Variants in RBMS3 observed in about 807,000 individuals in gnomAD.
RBMS3 encodes RNA binding motif single stranded interacting protein 3.
Under a neutral mutation model 66.8 loss-of-function variants are expected in RBMS3, and 27 were observed. The ratio of observed to expected loss-of-function variants is 0.40; its 90% confidence interval spans 0.30 to 0.56. RBMS3 has a LOEUF of 0.56. Among genes scored for constraint, RBMS3 ranks in the 20% least tolerant of loss-of-function variants. The pLI is 0.40. For synonymous variants in RBMS3, 188 were observed against 183.0 expected, an observed-to-expected ratio of 1.03 and a Z score of -0.22; for missense variants, 513 against 549.5, an observed-to-expected ratio of 0.93 and a Z score of 0.66.
chr3:29,694,598 A>G (rs933311979), intron 4 of RBMS3, among the ~76,000 whole-genome samples: 2 of 152,182 alleles, frequency 1.3e-5, no homozygotes, highest in East Asian at 1.9e-4. Flanking sequence ...AGGTGGTCAC[A>G]GTAATTTCCT....
intron 4 of RBMS3, among the ~76,000 whole-genome samples, chr3:29,636,967 GTA>G (rs2049499156): frequency 6.6e-6 from 1 of 151,894 alleles, no homozygotes; most frequent in African/African-American, 2.4e-5. Context: ...AACATATCAT[GTA>G]TGTGTGAAAT....
chr3:29,585,902 A>T lies in RBMS3; in HGVS notation c.308-1212A>T, dbSNP rs1052836286. 2.0e-5 allele frequency among the ~76,000 whole-genome samples: 3 copies of T among 152,114 alleles called. No individual in the cohort carries two copies. In the East Asian group the frequency reaches 5.8e-4, roughly 29 times the overall value. Reference sequence around the variant, plus strand: ...TGTAACAAGTTCATTTTACGATAACATGCTGGGAGGGAGAAAAAGAAGACG... The same window carrying T: ...TGTAACAAGTTCATTTTACGATAACTTGCTGGGAGGGAGAAAAAGAAGACG... On this transcript the variant is annotated intron_variant, in intron 3 of 14. Coordinates refer to ENST00000383767, the MANE Select transcript of RBMS3 (RefSeq NM_001003793.3).
chr3:29,597,160 T>C (rs1480462263), intron 4 of RBMS3, among the ~76,000 whole-genome samples: 1 of 152,218 alleles, frequency 6.6e-6, no homozygotes, highest in African/African-American at 2.4e-5. Context: ...TTTACATGTG[T>C]ATGCACACAT....
At chr3:29,885,900 T>C (rs1286275001) in intron 8 of RBMS3, among the ~76,000 whole-genome samples, 1 of 151,870 alleles carries the variant, frequency 6.6e-6, no homozygotes, top group East Asian at 1.9e-4. Context: ...GATGCAGCAG[T>C]GACCCAGACA....
chr3:29,936,277 G>C (rs1327791981), intron 11 of RBMS3, 81 bp downstream of exon 11: 8 of 1,275,952 alleles, frequency 6.3e-6, no homozygotes, highest in African/African-American at 1.5e-5. Flanking sequence ...CATTATCAGT[G>C]AAACTGTGTC....
chr3:29,311,709 A>G lies in RBMS3; in HGVS notation c.75+29953A>G, dbSNP rs1184864604. On this transcript the variant is annotated intron_variant, in intron 1 of 14. Coordinates refer to ENST00000383767, the MANE Select transcript of RBMS3 (RefSeq NM_001003793.3). ...GAGCATTGCATTGAAATCTACATTTAGAAAGGTTTGCTTGATTTTAACATA... is the reference window on the plus strand; with the variant it reads ...GAGCATTGCATTGAAATCTACATTTGGAAAGGTTTGCTTGATTTTAACATA... 4.6e-5 allele frequency among the ~76,000 whole-genome samples: 7 copies of G among 151,866 alleles called. No homozygotes were observed. The East Asian group carries it at 1.2e-3, about 25-fold the overall frequency.
At chr3:29,512,657 A>G (rs1012010508) in intron 3 of RBMS3, among the ~76,000 whole-genome samples, 5 of 152,194 alleles carry the variant, frequency 3.3e-5, no homozygotes, top group Non-Finnish European at 5.9e-5. Context: ...GGAAAATAAA[A>G]ACGAAATAAC....
chr3:29,383,900 A>G (rs145466276), intron 1 of RBMS3, among the ~76,000 whole-genome samples: 1 of 152,364 alleles, frequency 6.6e-6, no homozygotes, highest in Non-Finnish European at 1.5e-5. Flanking sequence ...TTGAAAAGGC[A>G]AAGTGTGAAG....
intron 14 of RBMS3, among the ~76,000 whole-genome samples, chr3:29,995,306 A>T (rs1395962781): frequency 6.6e-6 from 1 of 152,208 alleles, no homozygotes; most frequent in Admixed American, 6.5e-5. Context: ...CCTGAAAGTG[A>T]TGGGGAGAAT....
chr3:29,495,065 A>G (rs866462135), intron 3 of RBMS3, among the ~76,000 whole-genome samples: 3 of 152,102 alleles, frequency 2.0e-5, no homozygotes, highest in African/African-American at 7.2e-5. Context: ...AAGTATCCAA[A>G]AGTTCTGAAA....
chr3:29,803,861 C>T (rs1350958201), intron 6 of RBMS3, among the ~76,000 whole-genome samples: 21 of 151,926 alleles, frequency 1.4e-4, no homozygotes, highest in Admixed American at 1.4e-3. Flanking sequence ...TAATTATTGT[C>T]AAATGAGTAA....
At chr3:29,845,064 A>G (rs2058746570) in intron 6 of RBMS3, among the ~76,000 whole-genome samples, 1 of 152,208 alleles carries the variant, frequency 6.6e-6, no homozygotes, top group Non-Finnish European at 1.5e-5. Context: ...CTCAGAAGTA[A>G]CACTTGTCAC....
chr3:29,748,691 T>C (rs369858008), intron 5 of RBMS3, among the ~76,000 whole-genome samples: 16 of 152,278 alleles, frequency 1.1e-4, no homozygotes, highest in Middle Eastern at 3.4e-3. Flanking sequence ...CTGGGTTGGA[T>C]AAATTTTGCA....
intron 4 of RBMS3, among the ~76,000 whole-genome samples, chr3:29,607,506 T>G (rs2048352771): frequency 6.6e-6 from 1 of 151,948 alleles, no homozygotes; most frequent in South Asian, 2.1e-4. Context: ...GATCTAATGA[T>G]TCCCAAAAGG....
intron 6 of RBMS3, among the ~76,000 whole-genome samples, chr3:29,813,977 T>A (rs1367917889): frequency 3.3e-5 from 5 of 152,032 alleles, no homozygotes; most frequent in Non-Finnish European, 5.9e-5. Context: ...TTTATTTCCT[T>A]CTCCTGCCTA....
intron 4 of RBMS3, among the ~76,000 whole-genome samples, chr3:29,665,584 A>G (rs2050720008): frequency 1.3e-5 from 2 of 152,192 alleles, no homozygotes; most frequent in Admixed American, 6.5e-5. Context: ...TGCAAACAGA[A>G]TTGATGGCAA....
At chr3:29,647,302 G>A (rs572218052) in intron 4 of RBMS3, among the ~76,000 whole-genome samples, 1 of 152,214 alleles carries the variant, frequency 6.6e-6, no homozygotes, top group South Asian at 2.1e-4. Flanking sequence ...ATCAAATGCT[G>A]AAATCTGAAT....
In RBMS3 at chr3:29,724,189, A is replaced by G. The variant is rs935768197; in HGVS notation, c.400-15531A>G. ...TTATCAATTTAATATGCCTACCTCC[A>G]TATAATTTAATATAACATCTAGTAA... On this transcript the variant is annotated intron_variant, in intron 4 of 14. Transcript: ENST00000383767. Among the ~76,000 whole-genome samples, 3 of 152,328 alleles carry G rather than the reference A, an allele frequency of 2.0e-5. No homozygotes were observed. In the East Asian group the frequency reaches 5.8e-4, roughly 29 times the overall value.
chr3:29,513,504 G>A (rs1009896520), intron 3 of RBMS3, among the ~76,000 whole-genome samples: 16 of 152,072 alleles, frequency 1.1e-4, no homozygotes, highest in Admixed American at 3.9e-4. Context: ...AATAGTCACT[G>A]TACAAATTGC....
Sources: gnomAD v4.1 joint callset for allele counts (sites outside exome capture counted in the v4.1 genomes callset) on GRCh38, gnomAD v4.1.1 for gene constraint, MANE v1.5 for transcripts, NCBI Gene and HGNC (gene_info 2026-07-23, HGNC 2026-07-21) for gene names.